EHBP1: variants seen among roughly 807,000 people sequenced by gnomAD.
EHBP1 encodes EH domain binding protein 1.
A neutral mutation model predicts 144.0 loss-of-function variants in EHBP1; 55 were observed. The observed-to-expected ratio is 0.38, with a 90% CI of 0.31 to 0.48. EHBP1 has a LOEUF of 0.48. Among genes scored for constraint, EHBP1 ranks in the 20% least tolerant of loss-of-function variants. The pLI, the probability that EHBP1 is intolerant of heterozygous loss-of-function variation, is 0.98. For missense variants in EHBP1, 1,200 were observed against 1,364.2 expected, an observed-to-expected ratio of 0.88 and a Z score of 1.90; for synonymous variants, 469 against 472.7, an observed-to-expected ratio of 0.99 and a Z score of 0.10.
chr2:62,848,075 CTTTTTTTT>C lies in EHBP1; in HGVS notation c.635-11081_635-11074del, dbSNP rs565685912. On this transcript the variant is annotated intron_variant, in intron 7 of 22. Coordinates refer to ENST00000431489, the MANE Select transcript of EHBP1 (RefSeq NM_001142616.3). ...AATGGTACCATCACATAATGAGTGT[CTTTTTTTT>C]TTTTTTTTTTTTCTTGAGACAGTCT... 3.0e-5 allele frequency among the ~76,000 whole-genome samples: 4 copies of C among 132,306 alleles called. No homozygotes were observed. In the East Asian group the frequency reaches 8.6e-4, roughly 29 times the overall value. 86.8% of individuals were successfully genotyped at this position (132,306 alleles called of 152,430 possible). A position where few individuals can be genotyped will look rare whatever the true frequency, so the allele number is the denominator to read the frequency against.
chr2:62,741,836 AT>A (rs1558586964), intron 2 of EHBP1, among the ~76,000 whole-genome samples: 2 of 152,202 alleles, frequency 1.3e-5, no homozygotes, highest in African/African-American at 4.8e-5. Context: ...ACAATACAGC[AT>A]AACAACTATA....
intron 10 of EHBP1, among the ~76,000 whole-genome samples, chr2:62,916,008 A>T (rs2054586177): frequency 6.6e-6 from 1 of 152,200 alleles, no homozygotes; most frequent in African/African-American, 2.4e-5. Context: ...TTCTAGGTAG[A>T]TGAAAGCATT....
intron 3 of EHBP1, among the ~76,000 whole-genome samples, chr2:62,749,192 G>A (rs2039440418): frequency 6.6e-6 from 1 of 151,802 alleles, no homozygotes; most frequent in African/African-American, 2.4e-5. Flanking sequence ...GTGTCCAAGT[G>A]TTCTCATTGT....
At chr2:62,730,817 AAAAG>A (rs1351271766) in intron 2 of EHBP1, among the ~76,000 whole-genome samples, 3 of 23,592 alleles carry the variant, frequency 1.3e-4, no homozygotes, top group East Asian at 1.1e-3. Flanking sequence ...GACAGAGAGA[AAAAG>A]AAAGAGAGAA....
chr2:62,696,255 C>T (rs2034087566), intron 1 of EHBP1, among the ~76,000 whole-genome samples: 1 of 151,408 alleles, frequency 6.6e-6, no homozygotes, highest in Non-Finnish European at 1.5e-5. Context: ...ACTGCAGCCT[C>T]TTCCTCCCAG....
At chr2:62,922,121 G>A (rs535641858) in intron 10 of EHBP1, among the ~76,000 whole-genome samples, 2 of 152,298 alleles carry the variant, frequency 1.3e-5, no homozygotes, top group South Asian at 4.1e-4. Context: ...GTTGCAGTGA[G>A]CGGAGATCGC....
intron 2 of EHBP1, among the ~76,000 whole-genome samples, chr2:62,735,407 A>G (rs1425147116): frequency 1.3e-5 from 2 of 152,078 alleles, no homozygotes; most frequent in Admixed American, 1.3e-4. Flanking sequence ...AATAATCCTA[A>G]TTCTTCTCTC....
chr2:62,920,535 A>G (rs889745965), intron 10 of EHBP1, among the ~76,000 whole-genome samples: 5 of 152,226 alleles, frequency 3.3e-5, no homozygotes, highest in African/African-American at 9.6e-5. Flanking sequence ...GTAAAATAAT[A>G]AAGATCCCAG....
intron 7 of EHBP1, among the ~76,000 whole-genome samples, chr2:62,835,148 G>A (rs1263655356): frequency 6.6e-6 from 1 of 151,912 alleles, no homozygotes; most frequent in African/African-American, 2.4e-5. Flanking sequence ...TTTGTCACTT[G>A]ATTTTTAACC....
At position 62,949,065 on chromosome 2, in the gene EHBP1, C is replaced by T. The variant is rs749153507; in HGVS notation, c.2219C>T (p.Ala740Val). 1.9e-6 allele frequency: 3 copies of T among 1,607,886 alleles called. No individual in the cohort carries two copies. Among genetic ancestry groups the T allele is most frequent in the South Asian group, 2.2e-5 (2 of 89,124 alleles). ...GYSYSRDLDL[A>V]KKKHASLRQT... ...TCATATAGTAGAGATCTAGACCTTG[C>T]TAAGAAAAAACATGCTTCCCTGAGG... The change falls in exon 13 of 23, where the codon GCT becomes GTT. Residue 740 changes from alanine (A) to valine (V), a missense_variant. Coordinates refer to ENST00000431489, the MANE Select transcript of EHBP1 (RefSeq NM_001142616.3).
intron 1 of EHBP1, among the ~76,000 whole-genome samples, chr2:62,675,275 T>C (rs1262915763): frequency 6.6e-6 from 1 of 152,224 alleles, no homozygotes; most frequent in Non-Finnish European, 1.5e-5. Flanking sequence ...AAAGCCCAGC[T>C]GTCCTTCACT....
Position 62,859,179 on chromosome 2 carries a change from C to G in EHBP1, c.645C>G (p.Asn215Lys). The G allele has an allele frequency of 6.2e-7, 1 of 1,610,546 alleles. No homozygotes were observed. Among genetic ancestry groups the G allele is most frequent in the Non-Finnish European group, 8.5e-7 (1 of 1,177,792 alleles). The change falls in exon 8 of 23, where the codon AAC (asparagine) becomes AAG (lysine). Residue 215 changes from asparagine to lysine, a missense_variant. Physicochemically the swap from Asn to Lys is moderately conservative, Grantham distance 94. Coordinates refer to ENST00000431489, the MANE Select transcript of EHBP1 (RefSeq NM_001142616.3). ...EKAAKITELINKLNFLDEAEK... is the reference protein window; with the variant it reads ...EKAAKITELIKKLNFLDEAEK... ...TATGTTTATTTTCAGAGCTTATCAA[C>G]AAACTTAACTTTTTGGATGAAGCAG...
chr2:62,799,188 C>T (rs1234344418), intron 5 of EHBP1, among the ~76,000 whole-genome samples: 6 of 152,016 alleles, frequency 3.9e-5, no homozygotes, highest in South Asian at 4.1e-4. Flanking sequence ...ATGTTCCATA[C>T]AAACCATGTT....
chr2:62,846,513 A>G (rs1478515717), intron 7 of EHBP1, among the ~76,000 whole-genome samples: 1 of 152,216 alleles, frequency 6.6e-6, no homozygotes, highest in Non-Finnish European at 1.5e-5. Flanking sequence ...AAGGACATTC[A>G]TGAACAGCTA....
At chr2:62,682,335 G>A (rs891305689) in intron 1 of EHBP1, among the ~76,000 whole-genome samples, 2 of 152,218 alleles carry the variant, frequency 1.3e-5, no homozygotes, top group Admixed American at 6.5e-5. Flanking sequence ...GAATAGCTAC[G>A]ATTTAAGTGG....
chr2:62,949,165 A>G lies in EHBP1; in HGVS notation c.2316+3A>G, dbSNP rs771954661. 6.5e-7 allele frequency: 1 copy of G among 1,539,790 alleles called. No individual in the cohort carries two copies. The highest frequency in any genetic ancestry group is 2.2e-5 in the Admixed American group (1 of 44,984). On this transcript the variant is annotated splice_donor_region_variant and intron_variant, in intron 13 of 22. Coordinates refer to ENST00000431489, the MANE Select transcript of EHBP1 (RefSeq NM_001142616.3). Reference sequence around the variant, plus strand: ...ATCATTCATCAAAAATAGTCCAGGTAAGTGAGTTAGAATGCTGAATACTAT... The same window carrying G: ...ATCATTCATCAAAAATAGTCCAGGTGAGTGAGTTAGAATGCTGAATACTAT...
At chr2:62,969,014 C>A (rs1205384290) in intron 14 of EHBP1, among the ~76,000 whole-genome samples, 3 of 152,150 alleles carry the variant, frequency 2.0e-5, no homozygotes, top group Non-Finnish European at 4.4e-5. Flanking sequence ...AGCCATTCTT[C>A]TTTTATTCTT....
Position 62,880,068 on chromosome 2 carries a change from G to A in EHBP1, c.1185+5536G>A, listed in dbSNP as rs372027529. Among the ~76,000 whole-genome samples the A allele has an allele frequency of 3.2e-4, 49 of 152,116 alleles. No individual in the cohort carries two copies. In the East Asian group the frequency reaches 7.8e-3, roughly 24 times the overall value. On this transcript the variant is annotated intron_variant, in intron 10 of 22. Transcript: ENST00000431489. Reference sequence around the variant, plus strand: ...CTCAGAAATAAAGCCACACAACTACGACCATCTGATCTTTGAGAAAGTTGA... The same window carrying A: ...CTCAGAAATAAAGCCACACAACTACAACCATCTGATCTTTGAGAAAGTTGA...
intron 19 of EHBP1, among the ~76,000 whole-genome samples, chr2:63,031,215 C>A (rs2061234422): frequency 6.6e-6 from 1 of 152,128 alleles, no homozygotes; most frequent in South Asian, 2.1e-4. Context: ...TGTGAGAAGG[C>A]TATAGGACAG....
Sources: gnomAD v4.1 joint callset for allele counts (sites outside exome capture counted in the v4.1 genomes callset) on GRCh38, gnomAD v4.1.1 for gene constraint, MANE v1.5 for transcripts, NCBI Gene and HGNC (gene_info 2026-07-23, HGNC 2026-07-21) for gene names.